Variants in DACH2 observed in about 807,000 individuals in gnomAD.
DACH2 encodes the protein dachshund homolog 2.
DACH2 carries 17 observed loss-of-function variants against 35.8 expected under a neutral mutation model. That is an observed-to-expected ratio of 0.48 (90% CI 0.33 to 0.71). DACH2 has a LOEUF of 0.71. DACH2 is among the 30% of genes least tolerant of loss of function. DACH2 has a pLI of 0.02. For synonymous variants in DACH2, 195 were observed against 177.3 expected, an observed-to-expected ratio of 1.10 and a Z score of -0.79; for missense variants, 469 against 472.7, an observed-to-expected ratio of 0.99 and a Z score of 0.07.
rs1170251046 is a variant in DACH2, at chrX:86,433,653, T to C, written c.527+56791T>C. 5.4e-5 allele frequency among the ~76,000 whole-genome samples: 6 copies of C among 111,703 alleles called. No individual in the cohort carries two copies. In the East Asian group the frequency reaches 1.7e-3, roughly 32 times the overall value. ...ACAGATAGTTTGACAGGAGGAACCA[T>C]CCAGGCTGTAATTGTGGTAAGGAAT... On this transcript the variant is annotated intron_variant, in intron 2 of 11. Coordinates refer to ENST00000373125, the MANE Select transcript of DACH2 (RefSeq NM_053281.3).
At chrX:86,415,386 T>A (rs886376485) in intron 2 of DACH2, among the ~76,000 whole-genome samples, 1 of 111,994 alleles carries the variant, frequency 8.9e-6, no homozygotes, top group African/African-American at 3.2e-5. Flanking sequence ...CAGTTACATT[T>A]GTCTTCATTT....
At chrX:86,520,521 T>C (rs778318114) in intron 3 of DACH2, among the ~76,000 whole-genome samples, 1 of 111,618 alleles carries the variant, frequency 9.0e-6, no homozygotes, top group African/African-American at 3.2e-5. Context: ...CTCTTACTAT[T>C]ATTATGTGGG....
At chrX:86,450,044 A>G (rs1419866201) in intron 2 of DACH2, among the ~76,000 whole-genome samples, 1 of 111,365 alleles carries the variant, frequency 9.0e-6, no homozygotes, top group East Asian at 2.8e-4. Context: ...TTCCTTTAGT[A>G]TCTACCTTTT....
intron 5 of DACH2, among the ~76,000 whole-genome samples, chrX:86,714,297 G>T (rs751359487): frequency 2.7e-5 from 3 of 111,642 alleles, no homozygotes; most frequent in Non-Finnish European, 3.8e-5. Context: ...TAAAAATTTT[G>T]CATCTTATAA....
chrX:86,717,635 G>T lies in DACH2; in HGVS notation c.1104+2915G>T, dbSNP rs377309249. ...ATGAAATGTAGGATAAATTTCCCATGATTTTGAAACTGGATGGCTATTAAG... is the reference window on the plus strand; with the variant it reads ...ATGAAATGTAGGATAAATTTCCCATTATTTTGAAACTGGATGGCTATTAAG... On this transcript the variant is annotated intron_variant, in intron 6 of 11. Coordinates refer to ENST00000373125, the MANE Select transcript of DACH2 (RefSeq NM_053281.3). 1.2e-4 allele frequency among the ~76,000 whole-genome samples: 13 copies of T among 107,388 alleles called. No individual in the cohort carries two copies. The East Asian group carries it at 3.5e-3, about 29-fold the overall frequency. 93.3% of individuals were successfully genotyped at this position (107,388 alleles called of 115,157 possible). A position where few individuals can be genotyped will look rare whatever the true frequency, so the allele number is the denominator to read the frequency against.
intron 1 of DACH2, among the ~76,000 whole-genome samples, chrX:86,231,567 G>A (rs767633226): frequency 5.2e-4 from 58 of 111,148 alleles, no homozygotes; most frequent in South Asian, 3.8e-3. Flanking sequence ...AAAATCCACC[G>A]AAGGCCTGGT....
chrX:86,434,011 A>G (rs1325767874), intron 2 of DACH2, among the ~76,000 whole-genome samples: 2 of 111,729 alleles, frequency 1.8e-5, no homozygotes, highest in Non-Finnish European at 3.8e-5. Flanking sequence ...ACATGAAGGC[A>G]TTAATTATTT....
chrX:86,690,153 G>T (rs771171501), intron 4 of DACH2, among the ~76,000 whole-genome samples: 1 of 111,994 alleles, frequency 8.9e-6, no homozygotes, highest in South Asian at 3.7e-4. Flanking sequence ...CGGTGCTAAG[G>T]TGAAGAATGA....
chrX:86,513,629 C>T (rs1468531534), intron 2 of DACH2, among the ~76,000 whole-genome samples: 1 of 112,004 alleles, frequency 8.9e-6, no homozygotes, highest in Non-Finnish European at 1.9e-5. Flanking sequence ...TTAAAAACAC[C>T]AATCAATCCG....
chrX:86,584,005 A>C (rs1239186308), intron 3 of DACH2, among the ~76,000 whole-genome samples: 1 of 111,083 alleles, frequency 9.0e-6, no homozygotes, highest in Non-Finnish European at 1.9e-5. Flanking sequence ...AATTGGTGCT[A>C]TCTCTTATTT....
intron 1 of DACH2, among the ~76,000 whole-genome samples, chrX:86,294,594 G>A (rs756091537): frequency 1.8e-3 from 196 of 109,635 alleles, no homozygotes; most frequent in African/African-American, 6.2e-3. Context: ...ATGTACAGAT[G>A]GGTTTTTGGT....
intron 4 of DACH2, among the ~76,000 whole-genome samples, chrX:86,654,203 A>AC (rs1457643689): frequency 9.3e-6 from 1 of 107,052 alleles, no homozygotes; most frequent in Non-Finnish European, 1.9e-5. Flanking sequence ...AAAAAAAAAA[A>AC]AAAAAAAAAA....
chrX:86,360,949 CT>C (rs2035730174), intron 1 of DACH2, among the ~76,000 whole-genome samples: 1 of 110,733 alleles, frequency 9.0e-6, no homozygotes, highest in South Asian at 3.7e-4. Flanking sequence ...TGCTTATATG[CT>C]TTAATTGTTA....
At chrX:86,345,507 G>A (rs2035481342) in intron 1 of DACH2, 3 of 227,778 alleles carry the variant, frequency 1.3e-5, no homozygotes, top group Non-Finnish European at 2.5e-5. Context: ...AGGAATAAAG[G>A]AAAGAAGCAA....
chrX:86,290,201 T>C (rs2034249892), intron 1 of DACH2, among the ~76,000 whole-genome samples: 1 of 77,103 alleles, frequency 1.3e-5, no homozygotes, highest in South Asian at 7.5e-4. Context: ...CATGTGTTTT[T>C]TGGCTGCATA....
intron 2 of DACH2, among the ~76,000 whole-genome samples, chrX:86,496,970 A>G (rs2038181772): frequency 8.9e-6 from 1 of 112,180 alleles, no homozygotes; most frequent in Non-Finnish European, 1.9e-5. Flanking sequence ...GTGAAGGTTA[A>G]TGAAATTAAT....
intron 1 of DACH2, among the ~76,000 whole-genome samples, chrX:86,329,198 G>A (rs2035168054): frequency 9.0e-6 from 1 of 110,879 alleles, no homozygotes. Context: ...TAATTAGTGA[G>A]ATCATTAGCA....
chrX:86,216,969 T>G (rs1476804902), intron 1 of DACH2, among the ~76,000 whole-genome samples: 3 of 109,983 alleles, frequency 2.7e-5, no homozygotes, highest in Non-Finnish European at 5.7e-5. Flanking sequence ...CACTCACCTG[T>G]AACCCCAGCT....
chrX:86,454,184 A>G (rs1472440031), intron 2 of DACH2, among the ~76,000 whole-genome samples: 1 of 111,275 alleles, frequency 9.0e-6, no homozygotes, highest in African/African-American at 3.3e-5. Context: ...GGTGACCTGA[A>G]CTTTCTCCCT....
Sources: allele counts gnomAD v4.1 joint callset (sites outside exome capture counted in the v4.1 genomes callset), GRCh38; gene constraint gnomAD v4.1.1; transcripts MANE v1.5; gene names NCBI Gene and HGNC (gene_info 2026-07-23, HGNC 2026-07-21).